GLG1: variants seen among roughly 807,000 people sequenced by gnomAD.
The protein encoded by GLG1 is golgi glycoprotein 1.
In GLG1, 38 loss-of-function variants were observed where a neutral mutation model predicts 160.5. The observed-to-expected ratio is 0.24, with a 90% CI of 0.18 to 0.31. The LOEUF (loss-of-function observed/expected upper bound fraction) is 0.31. GLG1 is among the 10% of genes least tolerant of loss of function. GLG1 has a pLI of 1.00. For missense variants in GLG1, 1,373 were observed against 1,505.2 expected, an observed-to-expected ratio of 0.91 and a Z score of 1.45; for synonymous variants, 644 against 543.4, an observed-to-expected ratio of 1.19 and a Z score of -2.57.
chr16:74,454,472 C>T (rs1229008718), intron 25 of GLG1, among the ~76,000 whole-genome samples: 1 of 151,218 alleles, frequency 6.6e-6, no homozygotes, highest in Non-Finnish European at 1.5e-5. Context: ...TCAAGACCAG[C>T]CTGGCCAACA....
intron 2 of GLG1, among the ~76,000 whole-genome samples, chr16:74,521,115 G>A (rs756540251): frequency 1.2e-4 from 19 of 152,144 alleles, no homozygotes; most frequent in Non-Finnish European, 2.2e-4. Flanking sequence ...AATAGCGAAT[G>A]CAAAAGTCCC....
At chr16:74,476,232 A>C (rs1889969922) in intron 12 of GLG1, among the ~76,000 whole-genome samples, 1 of 152,206 alleles carries the variant, frequency 6.6e-6, no homozygotes, top group African/African-American at 2.4e-5. Context: ...GACGGGCTGC[A>C]ATGTAGTGCA....
intron 1 of GLG1, among the ~76,000 whole-genome samples, chr16:74,566,285 G>T (rs1187273258): frequency 6.6e-6 from 1 of 152,172 alleles, no homozygotes; most frequent in Non-Finnish European, 1.5e-5. Flanking sequence ...CCTGGACAGG[G>T]AAAGTATCTA....
At chr16:74,588,723 CTTAACA>C (rs1288466887) in intron 1 of GLG1, among the ~76,000 whole-genome samples, 1 of 152,016 alleles carries the variant, frequency 6.6e-6, no homozygotes, top group Non-Finnish European at 1.5e-5. Flanking sequence ...TTGGCCTGTT[CTTAACA>C]TTATGTGACT....
At chr16:74,553,814 C>T (rs928869511) in intron 1 of GLG1, among the ~76,000 whole-genome samples, 1 of 152,144 alleles carries the variant, frequency 6.6e-6, no homozygotes, top group East Asian at 1.9e-4. Flanking sequence ...ATAGCAGTTG[C>T]AACTTCAGTT....
chr16:74,598,695 C>A (rs1958364682), intron 1 of GLG1, among the ~76,000 whole-genome samples: 1 of 151,616 alleles, frequency 6.6e-6, no homozygotes, highest in Non-Finnish European at 1.5e-5. Context: ...GAGTTTGAGA[C>A]CACCCTGGTC....
chr16:74,560,453 C>A (rs1039332044), intron 1 of GLG1, among the ~76,000 whole-genome samples: 1 of 151,642 alleles, frequency 6.6e-6, no homozygotes, highest in East Asian at 1.9e-4. Flanking sequence ...TCAGCCTCCC[C>A]CCGCCGCCCC....
chr16:74,452,074 C>A lies in GLG1; in HGVS notation c.*1093G>T. ...AGAAAGGTCAGGCTGGACTGCCTGT[C>A]ACATCCTGAGACCACACTAAACCTT... On this transcript the variant is annotated 3_prime_UTR_variant, in exon 26 of 26. Coordinates refer to ENST00000422840, the MANE Select transcript of GLG1 (RefSeq NM_001145667.2). 6.2e-7 allele frequency: 1 copy of A among 1,613,516 alleles called. No homozygotes were observed. The highest frequency in any genetic ancestry group is 2.2e-5 in the East Asian group (1 of 44,878).
chr16:74,529,184 G>C (rs1206276188), intron 2 of GLG1, among the ~76,000 whole-genome samples: 2 of 151,938 alleles, frequency 1.3e-5, no homozygotes, highest in South Asian at 2.1e-4. Context: ...GAACAGGCTG[G>C]TCTCGAACTC....
chr16:74,491,183 T>A lies in GLG1; in HGVS notation c.1267A>T (p.Met423Leu). 1 of 1,614,034 alleles carries A rather than the reference T, an allele frequency of 6.2e-7. No homozygotes were observed. Among genetic ancestry groups the A allele is most frequent in the Non-Finnish European group, 8.5e-7 (1 of 1,179,954 alleles). ...ATCAACATGCGTCGGTAATCCAGCA[T>A]CTCCCCCTGGCACTCACTGCTGACT... ...RQVSSECQGEMLDYRRMLMED... is the reference protein window; with the variant it reads ...RQVSSECQGELLDYRRMLMED... The change falls in exon 8 of 26, where the codon ATG becomes TTG. Residue 423 changes from methionine to leucine, a missense_variant. Transcript: ENST00000422840.
At chr16:74,511,953 A>G (rs1014425734) in intron 2 of GLG1, among the ~76,000 whole-genome samples, 1 of 152,028 alleles carries the variant, frequency 6.6e-6, no homozygotes, top group East Asian at 1.9e-4. Flanking sequence ...TCAAATTGAT[A>G]TATAATTCAT....
At chr16:74,497,155 G>A (rs2016219547) in intron 4 of GLG1, among the ~76,000 whole-genome samples, 1 of 151,802 alleles carries the variant, frequency 6.6e-6, no homozygotes, top group Non-Finnish European at 1.5e-5. Context: ...CAGGCATGGT[G>A]GTGTGCGCCT....
chr16:74,494,307 C>T (rs1788591055), intron 6 of GLG1, among the ~76,000 whole-genome samples: 1 of 151,910 alleles, frequency 6.6e-6, no homozygotes, highest in South Asian at 2.1e-4. Context: ...ATGCTTAAAA[C>T]CCAAGTACCT....
At chr16:74,480,700 C>G (rs905056154) in intron 10 of GLG1, among the ~76,000 whole-genome samples, 1 of 151,990 alleles carries the variant, frequency 6.6e-6, no homozygotes, top group Admixed American at 6.6e-5. Context: ...GTTGAGGCAA[C>G]AGGCACACAC....
intron 2 of GLG1, among the ~76,000 whole-genome samples, chr16:74,524,988 T>C (rs760761423): frequency 4.5e-4 from 69 of 152,200 alleles, no homozygotes; most frequent in Non-Finnish European, 1.2e-4. Context: ...TAGTACTTCA[T>C]TTTTTTGCAA....
chr16:74,498,258 C>G (rs1468272539), intron 4 of GLG1, among the ~76,000 whole-genome samples: 3 of 150,034 alleles, frequency 2.0e-5, no homozygotes, highest in Non-Finnish European at 4.4e-5. Context: ...CAGTGAAACC[C>G]TGTCTCTACT....
At chr16:74,489,703 G>C (rs1247725642) in intron 8 of GLG1, among the ~76,000 whole-genome samples, 1 of 152,110 alleles carries the variant, frequency 6.6e-6, no homozygotes, top group Non-Finnish European at 1.5e-5. Context: ...TCCTGCCCAG[G>C]TTGGTATTTT....
intron 10 of GLG1, among the ~76,000 whole-genome samples, chr16:74,481,071 C>A (rs746552822): frequency 2.3e-4 from 35 of 152,294 alleles, no homozygotes; most frequent in Middle Eastern, 3.4e-3. Context: ...AGGCAATTCA[C>A]AACTTTTTAC....
intron 1 of GLG1, among the ~76,000 whole-genome samples, chr16:74,602,867 A>T (rs953485165): frequency 6.6e-6 from 1 of 151,888 alleles, no homozygotes; most frequent in Non-Finnish European, 1.5e-5. Context: ...ACTTCTGTGT[A>T]AGAAAATCTA....
Sources: gnomAD v4.1 joint callset for allele counts (sites outside exome capture counted in the v4.1 genomes callset) on GRCh38, gnomAD v4.1.1 for gene constraint, MANE v1.5 for transcripts, NCBI Gene and HGNC (gene_info 2026-07-23, HGNC 2026-07-21) for gene names.